The following LOC128462377 variants were observed in gnomAD, a reference collection of about 807,000 sequenced individuals.
chr16:89,321,504 C>T, the LOC128462377 span, among the ~76,000 whole-genome samples: 2 of 151,760 alleles, frequency 1.3e-5, no homozygotes, highest in African/African-American at 4.8e-5. Context: ...AGCTGCGGGG[C>T]AGGGGCTGCC....
At chr16:89,321,333 A>G in the LOC128462377 span, 1 of 151,632 alleles carries the variant, frequency 6.6e-6, no homozygotes, top group East Asian at 1.9e-4. Flanking sequence ...GGCTTCTAGG[A>G]TCTGAGCTGG....
At chr16:89,382,758 G>T in the LOC128462377 span, among the ~76,000 whole-genome samples, 54 of 152,336 alleles carry the variant, frequency 3.5e-4, no homozygotes, top group African/African-American at 1.3e-3. Context: ...GAGATTATAG[G>T]TGTGAGTCAA....
chr16:89,389,188 T>C, the LOC128462377 span, among the ~76,000 whole-genome samples: 7 of 151,884 alleles, frequency 4.6e-5, no homozygotes, highest in African/African-American at 1.7e-4. Context: ...CTGGCTAATT[T>C]TTTTTTTTTT....
the LOC128462377 span, chr16:89,324,225 T>C: frequency 2.5e-6 from 3 of 1,197,336 alleles, no homozygotes; most frequent in East Asian, 5.9e-5. Flanking sequence ...GGCCTCTGCT[T>C]TGCCCCTCAG....
At chr16:89,349,861 A>AACACACACAC in the LOC128462377 span, among the ~76,000 whole-genome samples, 5 of 133,136 alleles carry the variant, frequency 3.8e-5, no homozygotes, top group East Asian at 4.3e-4. Context: ...TACTTGTTAA[A>AACACACACAC]ACACACACAC....
At chr16:89,329,290 G>A in the LOC128462377 span, among the ~76,000 whole-genome samples, 5 of 152,206 alleles carry the variant, frequency 3.3e-5, no homozygotes, top group African/African-American at 1.2e-4. Context: ...CGGTCACCCT[G>A]TCTTCCAATG....
chr16:89,412,386 C>G, the LOC128462377 span: 6 of 152,368 alleles, frequency 3.9e-5, no homozygotes, highest in Non-Finnish European at 5.9e-5. Flanking sequence ...GTGCCCCATC[C>G]CTCCCCTCAG....
the LOC128462377 span, among the ~76,000 whole-genome samples, chr16:89,384,372 A>C: frequency 6.6e-6 from 1 of 152,210 alleles, no homozygotes; most frequent in Non-Finnish European, 1.5e-5. Context: ...CTCTATGAAA[A>C]ATACAAAAAT....
the LOC128462377 span, among the ~76,000 whole-genome samples, chr16:89,415,829 CAAA>C: frequency 1.0e-3 from 41 of 39,736 alleles, 3 homozygotes; most frequent in Middle Eastern, 0.091. Context: ...GACTCTGTCT[CAAA>C]AAAAAAAAAA....
At chr16:89,326,526 T>C in the LOC128462377 span, among the ~76,000 whole-genome samples, 1 of 152,056 alleles carries the variant, frequency 6.6e-6, no homozygotes, top group Admixed American at 6.5e-5. Flanking sequence ...AGGGGGGTCA[T>C]TTGGGCCCAA....
the LOC128462377 span, among the ~76,000 whole-genome samples, chr16:89,388,452 T>C: frequency 6.6e-6 from 1 of 151,978 alleles, no homozygotes; most frequent in East Asian, 1.9e-4. Flanking sequence ...ATTTTTAATG[T>C]CTTGAAAATC....
chr16:89,376,146 G>T, the LOC128462377 span, among the ~76,000 whole-genome samples: 1 of 152,170 alleles, frequency 6.6e-6, no homozygotes, highest in Non-Finnish European at 1.5e-5. Context: ...AAACAGCACG[G>T]ATATATGAAA....
the LOC128462377 span, among the ~76,000 whole-genome samples, chr16:89,384,844 CAT>C: frequency 2.1e-5 from 3 of 142,266 alleles, no homozygotes; most frequent in South Asian, 2.2e-4. Flanking sequence ...TGTGTAAGAA[CAT>C]GTGTGTGGGA....
At chr16:89,346,339 C>T in the LOC128462377 span, among the ~76,000 whole-genome samples, 2 of 150,852 alleles carry the variant, frequency 1.3e-5, no homozygotes, top group Non-Finnish European at 2.9e-5. Context: ...CAGTAAAGAA[C>T]AGACAAGGAG....
chr16:89,409,269 AT>A, the LOC128462377 span, among the ~76,000 whole-genome samples: 1 of 152,190 alleles, frequency 6.6e-6, no homozygotes, highest in Non-Finnish European at 1.5e-5. Context: ...TGGTGTTAGA[AT>A]AAATCACTAG....
the LOC128462377 span, among the ~76,000 whole-genome samples, chr16:89,413,805 C>T: frequency 6.6e-6 from 1 of 152,146 alleles, no homozygotes; most frequent in Non-Finnish European, 1.5e-5. Flanking sequence ...AGACTCTGCA[C>T]TCCCACAACG....
chr16:89,338,662 T>A, the LOC128462377 span, among the ~76,000 whole-genome samples: 1 of 139,140 alleles, frequency 7.2e-6, no homozygotes. Flanking sequence ...GAAGCTGAGG[T>A]TGCAGTGAGC....
At chr16:89,349,134 T>TAAAAAAA in the LOC128462377 span, among the ~76,000 whole-genome samples, 272 of 16,528 alleles carry the variant, frequency 0.016, 17 homozygotes, top group East Asian at 0.055. Context: ...TCTCAAAAAG[T>TAAAAAAA]AAAAAAAAAA....
the LOC128462377 span, among the ~76,000 whole-genome samples, chr16:89,373,851 G>T: frequency 6.6e-6 from 1 of 152,232 alleles, no homozygotes; most frequent in African/African-American, 2.4e-5. Flanking sequence ...CTTACTTTTA[G>T]TTAGAGCTGC....
Sources: allele counts gnomAD v4.1 joint callset (sites outside exome capture counted in the v4.1 genomes callset), GRCh38; gene constraint gnomAD v4.1.1; transcripts MANE v1.5.